PLEKHG1: variants seen among roughly 807,000 people sequenced by gnomAD.
The protein encoded by PLEKHG1 is pleckstrin homology and RhoGEF domain containing G1.
In PLEKHG1, 44 loss-of-function variants were observed where a neutral mutation model predicts 100.8. That is an observed-to-expected ratio of 0.44 (90% confidence interval 0.34 to 0.56). The LOEUF (loss-of-function observed/expected upper bound fraction) is 0.56, where lower values mean the gene tolerates loss of function less well. Among genes scored for constraint, PLEKHG1 ranks in the 20% least tolerant of loss-of-function variants. The pLI is 0.01. For synonymous variants in PLEKHG1, 640 were observed against 662.5 expected (o/e 0.97, Z 0.52); for missense variants, 1,545 against 1,720.9 (o/e 0.90, Z 1.81).
Position 150,672,860 on chromosome 6 carries a change from A to G in PLEKHG1, c.-99+22074A>G, listed in dbSNP as rs73006340. On this transcript the variant is annotated intron_variant, in intron 3 of 3. Coordinates refer to the PLEKHG1 transcript ENST00000367326. ...AGGTAGACTGAAAGCATGAGTGTCTACTTTTGAGCAGAATGAAATAAATAA... is the reference window on the plus strand; with the variant it reads ...AGGTAGACTGAAAGCATGAGTGTCTGCTTTTGAGCAGAATGAAATAAATAA... Among the ~76,000 whole-genome samples the G allele has an allele frequency of 2.2e-3, 339 of 152,298 alleles. 1 individual carries two copies. The highest frequency in any genetic ancestry group is 3.8e-3 in the Non-Finnish European group (260 of 68,024).
intron 1 of PLEKHG1, among the ~76,000 whole-genome samples, chr6:150,728,422 C>A (rs2128614025): frequency 6.6e-6 from 1 of 151,812 alleles, no homozygotes; most frequent in South Asian, 2.1e-4. Flanking sequence ...AGAAAGACTT[C>A]ATCTCTAGAA....
At chr6:150,608,734 T>C (rs776142370) in intron 1 of PLEKHG1, among the ~76,000 whole-genome samples, 1 of 152,220 alleles carries the variant, frequency 6.6e-6, no homozygotes, top group Non-Finnish European at 1.5e-5. Context: ...AAAAACTGTG[T>C]GCATGGAAAA....
Position 150,671,863 on chromosome 6 carries a change from G to T in PLEKHG1, c.-99+21077G>T, listed in dbSNP as rs139579342. 3.1e-3 allele frequency among the ~76,000 whole-genome samples: 479 copies of T among 152,270 alleles called. 7 individuals carry two copies. The highest frequency in any genetic ancestry group is 2.4e-3 in the Non-Finnish European group (162 of 68,024). On this transcript the variant is annotated intron_variant, in intron 3 of 3. Transcript: ENST00000367326. ...GGGTTGGAGAGAGAGATGAGGACTA[G>T]CTCTTGCACAGCCTTGCAGACCATG...
chr6:150,824,151 C>G (rs1359833705), intron 14 of PLEKHG1, among the ~76,000 whole-genome samples: 1 of 152,170 alleles, frequency 6.6e-6, no homozygotes, highest in Admixed American at 6.5e-5. Flanking sequence ...GGCGTATGAT[C>G]GAATGAGACT....
intron 1 of PLEKHG1, among the ~76,000 whole-genome samples, chr6:150,730,809 A>G: frequency 6.6e-6 from 1 of 152,084 alleles, no homozygotes; most frequent in East Asian, 1.9e-4. Context: ...AGGCTGAGGC[A>G]GGAGATCGCT....
chr6:150,762,524 T>G (rs573517348), intron 2 of PLEKHG1, among the ~76,000 whole-genome samples: 1 of 152,156 alleles, frequency 6.6e-6, no homozygotes, highest in South Asian at 2.1e-4. Flanking sequence ...CTTTCTTCCC[T>G]TTCTTCTCCT....
chr6:150,623,718 C>T (rs1227602997), intron 1 of PLEKHG1, among the ~76,000 whole-genome samples: 1 of 152,192 alleles, frequency 6.6e-6, no homozygotes, highest in Non-Finnish European at 1.5e-5. Context: ...ATGGCCTTGC[C>T]ACTGCCTCTG....
chr6:150,651,869 A>G (rs1467761183), intron 3 of PLEKHG1: 1 of 152,170 alleles, frequency 6.6e-6, no homozygotes, highest in Non-Finnish European at 1.5e-5. Flanking sequence ...AAAAGAAAAA[A>G]AAAAGTCTTT....
At chr6:150,836,948 G>C (rs1380587752) in intron 15 of PLEKHG1, among the ~76,000 whole-genome samples, 1 of 152,124 alleles carries the variant, frequency 6.6e-6, no homozygotes, top group Non-Finnish European at 1.5e-5. Context: ...GATCACTTGA[G>C]ATCAGGAGTT....
At chr6:150,669,593 C>CTTTT (rs1214928577) in intron 3 of PLEKHG1, among the ~76,000 whole-genome samples, 1 of 127,610 alleles carries the variant, frequency 7.8e-6, no homozygotes, top group Admixed American at 8.0e-5. Flanking sequence ...AAGAATTATT[C>CTTTT]TTTTTTTTTT....
intron 1 of PLEKHG1, among the ~76,000 whole-genome samples, chr6:150,723,530 C>G (rs1031156731): frequency 2.6e-5 from 4 of 152,160 alleles, no homozygotes; most frequent in African/African-American, 7.2e-5. Context: ...GTTAGAAAAT[C>G]TAGTCTCTGA....
At chr6:150,784,679 T>C (rs1785506111) in intron 3 of PLEKHG1, among the ~76,000 whole-genome samples, 1 of 152,022 alleles carries the variant, frequency 6.6e-6, no homozygotes, top group Non-Finnish European at 1.5e-5. Context: ...AAGCATAGAA[T>C]ATCTGATATT....
rs546574874 is a variant in PLEKHG1, at chr6:150,624,481, C to G, written c.-203-13599C>G. The stretch of plus-strand genomic sequence containing the variant: ...TAGCAATGTGACTGCTATAGGACAG[C>G]CTCTTAAGAAATTCAGCCAGGACGA... On this transcript the variant is annotated intron_variant, in intron 1 of 3. Coordinates refer to the PLEKHG1 transcript ENST00000367326. Among the ~76,000 whole-genome samples, 42 of 152,256 alleles carry G rather than the reference C, an allele frequency of 2.8e-4. No individual in the cohort carries two copies. In the South Asian group the frequency reaches 2.9e-3, roughly 11 times the overall value.
intron 2 of PLEKHG1, 48 bp downstream of exon 3, chr6:150,734,140 T>A (rs183555733): frequency 1.1e-4 from 172 of 1,551,554 alleles, no homozygotes; most frequent in Non-Finnish European, 1.4e-4. Context: ...AGAAATATGC[T>A]TGCAAAAGAA....
intron 1 of PLEKHG1, among the ~76,000 whole-genome samples, chr6:150,628,767 A>G (rs1398754596): frequency 6.6e-6 from 1 of 152,244 alleles, no homozygotes; most frequent in Non-Finnish European, 1.5e-5. Context: ...TCATTGTACT[A>G]TCCTGTAGAA....
At chr6:150,664,777 G>C (rs965876673) in intron 3 of PLEKHG1, among the ~76,000 whole-genome samples, 27 of 152,112 alleles carry the variant, frequency 1.8e-4, no homozygotes, top group African/African-American at 6.5e-4. Context: ...GGGCCAACTG[G>C]GGCTTTGTTC....
intron 5 of PLEKHG1, among the ~76,000 whole-genome samples, chr6:150,796,759 A>G (rs1487820012): frequency 3.3e-5 from 5 of 152,000 alleles, no homozygotes; most frequent in African/African-American, 1.2e-4. Context: ...CATTTCATAG[A>G]TGAAGTAACT....
At chr6:150,810,943 C>T (rs1216389942) in intron 10 of PLEKHG1, among the ~76,000 whole-genome samples, 7 of 151,836 alleles carry the variant, frequency 4.6e-5, no homozygotes, top group African/African-American at 1.7e-4. Flanking sequence ...AAAAGATTCA[C>T]ATGAATTGCA....
chr6:150,824,522 T>G (rs1371729160), intron 14 of PLEKHG1, among the ~76,000 whole-genome samples: 1 of 137,742 alleles, frequency 7.3e-6, no homozygotes, highest in Non-Finnish European at 1.5e-5. Flanking sequence ...CAACGTAGTC[T>G]TTTTTTTTTT....
Sources: allele counts gnomAD v4.1 joint callset (sites outside exome capture counted in the v4.1 genomes callset), GRCh38; gene constraint gnomAD v4.1.1; transcripts MANE v1.5; gene names NCBI Gene and HGNC (gene_info 2026-07-23, HGNC 2026-07-21).